Variants in RASEF observed in about 807,000 individuals in gnomAD.
RASEF encodes ras and EF-hand domain-containing protein.
A neutral mutation model predicts 90.1 loss-of-function variants in RASEF; 68 were observed. The ratio of observed to expected loss-of-function variants is 0.75; its 90% confidence interval spans 0.62 to 0.92. The LOEUF (loss-of-function observed/expected upper bound fraction) is 0.92, where lower values mean the gene tolerates loss of function less well. Ranked by LOEUF, RASEF falls within the 40% of genes least tolerant of loss-of-function variation. The probability of loss-of-function intolerance (pLI) is 0.00; values close to 1 mark genes in which losing one functional copy is unlikely to be tolerated. For synonymous variants in RASEF, 331 were observed against 345.2 expected, an observed-to-expected ratio of 0.96 and a Z score of 0.46; for missense variants, 949 against 937.2, an observed-to-expected ratio of 1.01 and a Z score of -0.16.
chr9:82,983,418 T>C (rs1828653617), intron 16 of RASEF, among the ~76,000 whole-genome samples: 1 of 152,190 alleles, frequency 6.6e-6, no homozygotes, highest in Admixed American at 6.5e-5. Flanking sequence ...AAAAATGTCT[T>C]ACTCTCCAAG....
intron 15 of RASEF, among the ~76,000 whole-genome samples, chr9:82,992,152 C>A (rs183069036): frequency 8.7e-4 from 132 of 152,180 alleles, no homozygotes; most frequent in African/African-American, 3.2e-3. Flanking sequence ...ACGTATGCTA[C>A]AGAGTAGTCC....
At chr9:83,160,049 C>T in the RASEF span, among the ~76,000 whole-genome samples, 1 of 152,202 alleles carries the variant, frequency 6.6e-6, no homozygotes, top group African/African-American at 2.4e-5. Context: ...GTCCAATAAA[C>T]CTCTTTCTTT....
At chr9:83,213,429 G>C in the RASEF span, among the ~76,000 whole-genome samples, 1 of 150,650 alleles carries the variant, frequency 6.6e-6, no homozygotes, top group Admixed American at 6.6e-5. Flanking sequence ...AAAATAAAAA[G>C]TAAAACAAAA....
chr9:83,018,753 A>G (rs1587499389), intron 3 of RASEF, among the ~76,000 whole-genome samples: 1 of 152,264 alleles, frequency 6.6e-6, no homozygotes, highest in East Asian at 1.9e-4. Flanking sequence ...ATAAACCAAC[A>G]GGTATCAAGA....
rs532650154 is a variant in RASEF, at chr9:83,061,411, CCAAAATGATGCCTTT to C, written c.431+1011_431+1025del. On this transcript the variant is annotated intron_variant, in intron 1 of 16. Coordinates refer to ENST00000376447, the MANE Select transcript of RASEF (RefSeq NM_152573.4). ...CTGTCTCAGATGTGCAAACTGCCAA[CCAAAATGATGCCTTT>C]CAGAGCGTCTTAATAACGACAGCCA... Among the ~76,000 whole-genome samples the C allele has an allele frequency of 1.6e-4, 25 of 152,316 alleles. No individual in the cohort carries two copies. In the South Asian group the frequency reaches 5.2e-3, roughly 32 times the overall value.
the RASEF span, among the ~76,000 whole-genome samples, chr9:83,126,680 C>T: frequency 6.6e-6 from 1 of 152,190 alleles, no homozygotes; most frequent in Non-Finnish European, 1.5e-5. Flanking sequence ...ACCTACTGCC[C>T]TGGATGGCAG....
At chr9:83,011,828 T>C (rs1169043436) in intron 5 of RASEF, among the ~76,000 whole-genome samples, 2 of 152,078 alleles carry the variant, frequency 1.3e-5, no homozygotes, top group Non-Finnish European at 2.9e-5. Context: ...CATTTGACCA[T>C]GAAGCTGGGA....
chr9:83,150,513 T>G, the RASEF span, among the ~76,000 whole-genome samples: 1 of 152,256 alleles, frequency 6.6e-6, no homozygotes, highest in East Asian at 1.9e-4. Flanking sequence ...CAGATATATA[T>G]TTCTTATTAT....
At chr9:83,098,595 C>T in the RASEF span, among the ~76,000 whole-genome samples, 1 of 152,150 alleles carries the variant, frequency 6.6e-6, no homozygotes, top group Non-Finnish European at 1.5e-5. Flanking sequence ...TCTCACACTG[C>T]TGATAAAGGC....
the RASEF span, among the ~76,000 whole-genome samples, chr9:83,213,881 C>A: frequency 6.6e-6 from 1 of 152,138 alleles, no homozygotes; most frequent in Non-Finnish European, 1.5e-5. Context: ...TTGGCCACTA[C>A]TTCATCATTT....
chr9:83,201,255 A>C, the RASEF span: 11 of 152,270 alleles, frequency 7.2e-5, no homozygotes, highest in African/African-American at 2.7e-4. Context: ...TCTCCTCCAC[A>C]CAGCCCACTG....
the RASEF span, among the ~76,000 whole-genome samples, chr9:83,195,073 G>T: frequency 2.6e-5 from 4 of 152,316 alleles, no homozygotes; most frequent in African/African-American, 9.6e-5. Flanking sequence ...TCTGTGACAG[G>T]CTTGGCCTTC....
chr9:83,025,721 C>T, intron 2 of RASEF, 54 bp downstream of exon 2: 6 of 1,571,584 alleles, frequency 3.8e-6, no homozygotes, highest in Non-Finnish European at 5.2e-6. Flanking sequence ...CCACCCAGGT[C>T]AGAGAGCAAG....
At chr9:83,184,347 C>T in the RASEF span, among the ~76,000 whole-genome samples, 1 of 152,068 alleles carries the variant, frequency 6.6e-6, no homozygotes, top group African/African-American at 2.4e-5. Flanking sequence ...CAGGGAATAA[C>T]GGAGGATCTG....
the RASEF span, among the ~76,000 whole-genome samples, chr9:83,192,342 T>C: frequency 6.6e-6 from 1 of 152,174 alleles, no homozygotes; most frequent in Non-Finnish European, 1.5e-5. Context: ...AAAGAAAACA[T>C]GGTACATATA....
At chr9:83,062,206 C>A (rs1051166919) in intron 1 of RASEF, among the ~76,000 whole-genome samples, 1 of 152,214 alleles carries the variant, frequency 6.6e-6, no homozygotes, top group African/African-American at 2.4e-5. Flanking sequence ...CCGCCCTTTG[C>A]AGGCTCAGGA....
the RASEF span, among the ~76,000 whole-genome samples, chr9:83,101,137 G>A: frequency 6.6e-6 from 1 of 152,142 alleles, no homozygotes; most frequent in Non-Finnish European, 1.5e-5. Flanking sequence ...GATGACATGA[G>A]GAAGCTACAA....
chr9:83,055,340 G>A lies in RASEF; in HGVS notation c.431+7097C>T, dbSNP rs1217660908. On this transcript the variant is annotated intron_variant, in intron 1 of 16. Coordinates refer to ENST00000376447, the MANE Select transcript of RASEF (RefSeq NM_152573.4). Reference sequence around the variant, plus strand: ...CGTCCGTCACCCCTTTCTTTGACTCGGAAAGGGAACTCCCTGACCCCTTGC... The same window carrying A: ...CGTCCGTCACCCCTTTCTTTGACTCAGAAAGGGAACTCCCTGACCCCTTGC... The A allele has an allele frequency of 4.1e-5, 17 of 411,874 alleles. No homozygotes were observed. The Admixed American group carries it at 4.6e-4, about 11-fold the overall frequency. 25.5% of individuals were successfully genotyped at this position (411,874 alleles called of 1,614,324 possible).
At chr9:83,165,846 T>A in the RASEF span, among the ~76,000 whole-genome samples, 1 of 152,036 alleles carries the variant, frequency 6.6e-6, no homozygotes, top group Admixed American at 6.6e-5. Context: ...TGCATAGACA[T>A]TAAAAGGATA....
Sources: gnomAD v4.1 joint callset for allele counts (sites outside exome capture counted in the v4.1 genomes callset) on GRCh38, gnomAD v4.1.1 for gene constraint, MANE v1.5 for transcripts, NCBI Gene and HGNC (gene_info 2026-07-23, HGNC 2026-07-21) for gene names.